MDH1: variants seen among roughly 807,000 people sequenced by gnomAD.
MDH1 encodes malate dehydrogenase, cytoplasmic.
In MDH1, 15 loss-of-function variants were observed where a neutral mutation model predicts 38.7. That is an observed-to-expected ratio of 0.39 (90% confidence interval 0.26 to 0.60). The LOEUF is 0.60. MDH1 is among the 20% of genes least tolerant of loss of function. MDH1 has a pLI of 0.56. For synonymous variants in MDH1, 144 were observed against 143.6 expected (o/e 1.00, Z -0.02); for missense variants, 368 against 405.2 (o/e 0.91, Z 0.79).
intron 4 of MDH1, among the ~76,000 whole-genome samples, chr2:63,598,463 A>G (rs1256671866): frequency 2.0e-5 from 3 of 152,214 alleles, no homozygotes; most frequent in Non-Finnish European, 2.9e-5. Flanking sequence ...TCAATTAACT[A>G]GAACTTAATT....
At chr2:63,605,821 T>G (rs1709516321) in intron 7 of MDH1, 118 bp from the exon 8 acceptor site, 1 of 834,116 alleles carries the variant, frequency 1.2e-6, no homozygotes, top group Admixed American at 1.8e-5. Context: ...GATAGTTCCT[T>G]ACACAGTAAT....
At position 63,606,862 on chromosome 2, in the gene MDH1, A is replaced by C. The variant is rs774338783; in HGVS notation, c.880A>C (p.Asn294His). The change falls in exon 9 of 9, where the codon AAT becomes CAT. Residue 294 changes from asparagine to histidine, a missense_variant and splice_region_variant. Coordinates refer to ENST00000233114, the MANE Select transcript of MDH1 (RefSeq NM_005917.4). ...TCTTATTTGCATTATTTTCAAACAG[A>C]ATAAGACCTGGAAGTTTGTTGAAGG... ...LLYSFPVVIK[N>H]KTWKFVEGLP... is the part of the protein sequence containing the mutation. The C allele has an allele frequency of 8.7e-6, 14 of 1,609,470 alleles. No homozygotes were observed. The Middle Eastern group carries it at 5.0e-4, about 57-fold the overall frequency.
Position 63,595,449 on chromosome 2 carries a change from C to T in MDH1, c.129C>T (p.Ile43=), listed in dbSNP as rs1239529031. 6.2e-7 allele frequency: 1 copy of T among 1,612,158 alleles called. No homozygotes were observed. Among genetic ancestry groups the T allele is most frequent in the African/African-American group, 1.3e-5 (1 of 74,870 alleles). The change falls in exon 3 of 9, where the codon ATC becomes ATT. Residue 43 remains isoleucine, a synonymous_variant. Transcript: ENST00000233114. ...CTATAATTCTTGTGCTGTTGGATAT[C>T]ACCCCCATGATGGGTGTCCTGGACG... The part of the protein sequence containing the change: ...DQPIILVLLD[I]TPMMGVLDGV...
In MDH1 at chr2:63,599,316, T is replaced by C. The variant is rs773191336; in HGVS notation, c.498+24T>C. ...AAGTAAGAAAAATATATTTTAAATC[T>C]TGTGGTTGTTCAACTTTAAAACATT... On this transcript the variant is annotated intron_variant, in intron 5 of 8. Coordinates refer to ENST00000233114, the MANE Select transcript of MDH1 (RefSeq NM_005917.4). 9 of 1,597,568 alleles carry C rather than the reference T, an allele frequency of 5.6e-6. No individual in the cohort carries two copies. In the African/African-American group the frequency reaches 1.1e-4, roughly 19 times the overall value.
rs1476986258 is a variant in MDH1, at chr2:63,589,062, G to A, written c.3+16G>A. ...TTCAATCATGGTGAGTGTGGGCCCC[G>A]GGTTCCTGCCCACCTCTGGCCCTCG... On this transcript the variant is annotated intron_variant, in intron 1 of 8. Coordinates refer to ENST00000233114, the MANE Select transcript of MDH1 (RefSeq NM_005917.4). 3 of 1,614,068 alleles carry A rather than the reference G, an allele frequency of 1.9e-6. No individual in the cohort carries two copies. The highest frequency in any genetic ancestry group is 2.7e-5 in the African/African-American group (2 of 74,930).
At chr2:63,601,950 C>T (rs150869975) in intron 5 of MDH1, among the ~76,000 whole-genome samples, 3 of 152,220 alleles carry the variant, frequency 2.0e-5, no homozygotes, top group East Asian at 1.9e-4. Flanking sequence ...TCATGGCAGA[C>T]GTAAAAAATG....
chr2:63,599,147 T>G, intron 4 of MDH1, 23 bp from the exon 5 acceptor site: 1 of 1,611,684 alleles, frequency 6.2e-7, no homozygotes, highest in Non-Finnish European at 8.5e-7. Flanking sequence ...CTGTAACTCT[T>G]CAGTGCCTTC....
intron 1 of MDH1, chr2:63,589,416 A>G: frequency 6.5e-7 from 1 of 1,543,444 alleles, no homozygotes; most frequent in Non-Finnish European, 8.8e-7. Context: ...TTGGGTCCTA[A>G]CCCCTTTTTC....
intron 5 of MDH1, among the ~76,000 whole-genome samples, chr2:63,600,323 C>T (rs1025039987): frequency 5.3e-5 from 8 of 152,146 alleles, no homozygotes; most frequent in Non-Finnish European, 1.2e-4. Context: ...ATTATCCCTG[C>T]ATTAGGTAAG....
intron 1 of MDH1, chr2:63,589,424 T>G: frequency 6.5e-7 from 1 of 1,529,482 alleles, no homozygotes; most frequent in Non-Finnish European, 8.9e-7. Flanking sequence ...TAACCCCTTT[T>G]TCTCCTCATT....
chr2:63,593,778 A>G (rs3768678), intron 1 of MDH1: 1 of 424,422 alleles, frequency 2.4e-6, no homozygotes, highest in East Asian at 7.1e-5. Context: ...ATATATTTCT[A>G]TCTTTTAAAA....
chr2:63,595,473 C>T lies in MDH1; in HGVS notation c.153C>T (p.Asp51=), dbSNP rs746932100. 7.4e-6 allele frequency: 12 copies of T among 1,613,312 alleles called. No homozygotes were observed. Among genetic ancestry groups the T allele is most frequent in the East Asian group, 2.2e-5 (1 of 44,872 alleles). ...TCACCCCCATGATGGGTGTCCTGGA[C>T]GGTGTCCTAATGGAACTGCAAGACT... ...LDITPMMGVL[D]GVLMELQDCA... The change falls in exon 3 of 9, where the codon GAC becomes GAT. Residue 51 remains aspartate, a synonymous_variant. Coordinates refer to ENST00000233114, the MANE Select transcript of MDH1 (RefSeq NM_005917.4).
Position 63,607,102 on chromosome 2 carries a change from T to C in MDH1, c.*115T>C. On this transcript the variant is annotated 3_prime_UTR_variant, in exon 9 of 9. Transcript: ENST00000233114. ...AAATTACTTGTGAAAAACAACACATTTTAAAGATTACGTGCTTCTTGGTAC... is the reference window on the plus strand; with the variant it reads ...AAATTACTTGTGAAAAACAACACATCTTAAAGATTACGTGCTTCTTGGTAC... The C allele has an allele frequency of 9.3e-7, 1 of 1,080,316 alleles. No individual in the cohort carries two copies. Among genetic ancestry groups the C allele is most frequent in the Non-Finnish European group, 1.3e-6 (1 of 772,962 alleles). 66.9% of individuals were successfully genotyped at this position (1,080,316 alleles called of 1,614,324 possible).
chr2:63,604,356 A>G (rs1709487122), intron 5 of MDH1, among the ~76,000 whole-genome samples: 3 of 152,268 alleles, frequency 2.0e-5, no homozygotes, highest in South Asian at 4.1e-4. Context: ...TCACATTTAC[A>G]TATTCAAGAA....
At chr2:63,603,743 C>T (rs1175922529) in intron 5 of MDH1, among the ~76,000 whole-genome samples, 6 of 151,106 alleles carry the variant, frequency 4.0e-5, no homozygotes, top group Non-Finnish European at 7.4e-5. Flanking sequence ...CCGCAACCTC[C>T]GCCTCCCAGG....
chr2:63,590,507 C>A (rs1332329550), intron 1 of MDH1: 2 of 152,178 alleles, frequency 1.3e-5, no homozygotes, highest in African/African-American at 2.4e-5. Context: ...CCAGTTCATA[C>A]TGCATATACA....
intron 1 of MDH1, among the ~76,000 whole-genome samples, chr2:63,591,991 A>G (rs1709209007): frequency 6.6e-6 from 1 of 152,176 alleles, no homozygotes; most frequent in South Asian, 2.1e-4. Flanking sequence ...TGAGTTGTGG[A>G]GCCAGGACTT....
intron 2 of MDH1, 192 bp downstream of exon 2, chr2:63,594,778 G>T: frequency 2.0e-6 from 1 of 502,634 alleles, no homozygotes; most frequent in South Asian, 2.3e-5. Context: ...AAAACACTTT[G>T]CAAATGAGAA....
Position 63,607,148 on chromosome 2 carries a change from A to G in MDH1, c.*161A>G. 1.8e-6 allele frequency: 1 copy of G among 557,432 alleles called. No individual in the cohort carries two copies. Among genetic ancestry groups the G allele is most frequent in the Non-Finnish European group, 3.0e-6 (1 of 336,730 alleles). The allele number at this position is 557,432 out of a possible 1,614,324, so 34.5% of individuals were successfully genotyped here. A position where few individuals can be genotyped will look rare whatever the true frequency, so the allele number is the denominator to read the frequency against. On this transcript the variant is annotated 3_prime_UTR_variant, in exon 9 of 9. Transcript: ENST00000233114. ...GGTACAGGTTTGTGAATGACAGTTTATCGTCATGCTGTTAGTGTGCATTCT... is the reference window on the plus strand; with the variant it reads ...GGTACAGGTTTGTGAATGACAGTTTGTCGTCATGCTGTTAGTGTGCATTCT...
Sources: allele counts gnomAD v4.1 joint callset (sites outside exome capture counted in the v4.1 genomes callset), GRCh38; gene constraint gnomAD v4.1.1; transcripts MANE v1.5; gene names NCBI Gene and HGNC (gene_info 2026-07-23, HGNC 2026-07-21).